Variants in CACHD1 observed in about 807,000 individuals in gnomAD.
The protein encoded by CACHD1 is cache domain containing 1.
A neutral mutation model predicts 138.7 loss-of-function variants in CACHD1; 71 were observed. The observed-to-expected ratio is 0.51, with a 90% CI of 0.42 to 0.62. The LOEUF is 0.62. Ranked by LOEUF, CACHD1 falls within the 20% of genes least tolerant of loss-of-function variation. The pLI is 0.00. For missense variants in CACHD1, 1,389 were observed against 1,625.3 expected (o/e 0.85, Z 2.50); for synonymous variants, 578 against 591.5 (o/e 0.98, Z 0.33).
intron 2 of CACHD1, among the ~76,000 whole-genome samples, chr1:64,570,712 A>G (rs1212448028): frequency 2.0e-5 from 3 of 152,136 alleles, no homozygotes; most frequent in Non-Finnish European, 4.4e-5. Flanking sequence ...AGGATATAAT[A>G]AAATTGTTGC....
chr1:64,471,518 G>C (rs559332789), intron 1 of CACHD1, among the ~76,000 whole-genome samples: 5 of 152,316 alleles, frequency 3.3e-5, no homozygotes, highest in South Asian at 2.1e-4. Context: ...GGCGGAGAGC[G>C]GCCCTCCGAG....
chr1:64,499,246 C>G (rs1398564610), intron 1 of CACHD1, among the ~76,000 whole-genome samples: 1 of 152,112 alleles, frequency 6.6e-6, no homozygotes, highest in East Asian at 1.9e-4. Flanking sequence ...TGGGCTGATT[C>G]TTATCAGTTT....
chr1:64,683,111 C>T (rs561911261), intron 26 of CACHD1, among the ~76,000 whole-genome samples: 22 of 152,284 alleles, frequency 1.4e-4, no homozygotes, highest in African/African-American at 4.8e-4. Context: ...GAGCAACCAA[C>T]GTCACCATTT....
intron 3 of CACHD1, among the ~76,000 whole-genome samples, chr1:64,601,861 G>T (rs1164091528): frequency 2.6e-5 from 4 of 152,260 alleles, no homozygotes; most frequent in Middle Eastern, 3.4e-3. Context: ...TTTATGTGAG[G>T]ATCTCTTAGA....
At chr1:64,510,218 TG>T (rs1409767952) in intron 1 of CACHD1, among the ~76,000 whole-genome samples, 2 of 152,188 alleles carry the variant, frequency 1.3e-5, no homozygotes, top group African/African-American at 4.8e-5. Context: ...AAAGTAGAGT[TG>T]CTCCAACAGC....
chr1:64,519,094 G>A (rs1646479323), intron 1 of CACHD1, among the ~76,000 whole-genome samples: 2 of 151,984 alleles, frequency 1.3e-5, no homozygotes, highest in Admixed American at 6.6e-5. Context: ...ACAATTGAGG[G>A]GTTACTCATT....
intron 2 of CACHD1, among the ~76,000 whole-genome samples, chr1:64,577,938 G>C (rs141664245): frequency 6.6e-6 from 1 of 152,088 alleles, no homozygotes; most frequent in Admixed American, 6.5e-5. Flanking sequence ...ATTCTACCCC[G>C]ATCCCCCAGT....
chr1:64,532,109 G>A (rs1236438586), intron 1 of CACHD1, among the ~76,000 whole-genome samples: 2 of 152,154 alleles, frequency 1.3e-5, no homozygotes, highest in African/African-American at 4.8e-5. Flanking sequence ...TTTCCAAGGA[G>A]GTGAAAATTA....
At chr1:64,652,838 T>G (rs1419443006) in intron 10 of CACHD1, among the ~76,000 whole-genome samples, 1 of 152,174 alleles carries the variant, frequency 6.6e-6, no homozygotes, top group Non-Finnish European at 1.5e-5. Flanking sequence ...AGTGTGATGA[T>G]TCCTCAAAGA....
intron 2 of CACHD1, among the ~76,000 whole-genome samples, chr1:64,573,675 A>T (rs909639826): frequency 6.6e-6 from 1 of 152,224 alleles, no homozygotes; most frequent in Non-Finnish European, 1.5e-5. Context: ...TGACATTAAC[A>T]TCTTTAAGTC....
intron 4 of CACHD1, among the ~76,000 whole-genome samples, chr1:64,614,770 G>A (rs1288807017): frequency 2.0e-5 from 3 of 152,182 alleles, no homozygotes; most frequent in African/African-American, 7.2e-5. Context: ...CTAAAAATGA[G>A]TCTTGAATCC....
intron 1 of CACHD1, among the ~76,000 whole-genome samples, chr1:64,518,292 T>C (rs1000666471): frequency 9.2e-5 from 2 of 21,756 alleles, no homozygotes; most frequent in Non-Finnish European, 1.3e-3. Context: ...ATCAATGACT[T>C]TTTTTTTTTT....
chr1:64,573,724 C>A (rs941152091), intron 2 of CACHD1, among the ~76,000 whole-genome samples: 50 of 152,138 alleles, frequency 3.3e-4, no homozygotes, highest in African/African-American at 1.0e-3. Context: ...ATGCACAGTG[C>A]AGTGGTTCAA....
chr1:64,634,533 G>A (rs1374944652), intron 7 of CACHD1, among the ~76,000 whole-genome samples: 1 of 151,896 alleles, frequency 6.6e-6, no homozygotes, highest in Non-Finnish European at 1.5e-5. Context: ...ACAGGCTTAT[G>A]CCACCACGCC....
intron 1 of CACHD1, among the ~76,000 whole-genome samples, chr1:64,546,916 GA>G (rs200802334): frequency 6.6e-6 from 1 of 151,674 alleles, no homozygotes; most frequent in African/African-American, 2.4e-5. Flanking sequence ...AAAATGGATA[GA>G]AAAAAACCCC....
chr1:64,601,235 A>G (rs932037219), intron 3 of CACHD1, among the ~76,000 whole-genome samples: 5 of 152,200 alleles, frequency 3.3e-5, no homozygotes, highest in African/African-American at 9.7e-5. Flanking sequence ...ACTATTATCT[A>G]TCCTTTTATA....
In CACHD1 at chr1:64,678,258, CG is replaced by C; in HGVS notation, c.3198del (p.Ile1067LeufsTer15). On this transcript the variant is annotated frameshift_variant, in exon 23 of 27. Coordinates refer to ENST00000651257, the MANE Select transcript of CACHD1 (RefSeq NM_020925.4). LOFTEE classifies it high-confidence loss of function. ...ACTGTGCCCCCCAGAAAGAATGCTT[CG>C]GGGGGATTGTGGGAGCCAAAAGTCC... Reference protein sequence around the residue: ...PYCAPQKECFGGIVGAKSPYV... With the variant: ...PYCAPQKECFXGIVGAKSPYV... 1.2e-6 allele frequency: 2 copies of C among 1,606,144 alleles called. No individual in the cohort carries two copies. The highest frequency in any genetic ancestry group is 1.7e-6 in the Non-Finnish European group (2 of 1,177,178).
intron 6 of CACHD1, 103 bp downstream of exon 6, chr1:64,632,846 A>G (rs1054885790): frequency 2.3e-5 from 30 of 1,282,324 alleles, no homozygotes; most frequent in Admixed American, 2.1e-4. Context: ...TTGACTTACA[A>G]TGGGGTTACA....
intron 8 of CACHD1, among the ~76,000 whole-genome samples, chr1:64,646,253 C>G (rs75188295): frequency 6.6e-6 from 1 of 152,242 alleles, no homozygotes; most frequent in East Asian, 1.9e-4. Context: ...AGGTACCAAT[C>G]GTGTCTTTGG....
Sources: gnomAD v4.1 joint callset for allele counts (sites outside exome capture counted in the v4.1 genomes callset) on GRCh38, gnomAD v4.1.1 for gene constraint, MANE v1.5 for transcripts, NCBI Gene and HGNC (gene_info 2026-07-23, HGNC 2026-07-21) for gene names.